DLG2: variants seen among roughly 807,000 people sequenced by gnomAD.
DLG2 encodes the protein discs large MAGUK scaffold protein 2.
In DLG2, 45 loss-of-function variants were observed where a neutral mutation model predicts 132.5. The ratio of observed to expected loss-of-function variants is 0.34; its 90% CI spans 0.27 to 0.44. DLG2 has a LOEUF of 0.44. DLG2 is among the 20% of genes least tolerant of loss of function. DLG2 has a pLI of 1.00. For synonymous variants in DLG2, 424 were observed against 419.6 expected (o/e 1.01, Z -0.13); for missense variants, 1,045 against 1,196.9 (o/e 0.87, Z 1.87).
At chr11:84,087,989 T>C (rs1361641253) in intron 10 of DLG2, among the ~76,000 whole-genome samples, 2 of 152,208 alleles carry the variant, frequency 1.3e-5, no homozygotes, top group Non-Finnish European at 1.5e-5. Flanking sequence ...TATCTTCTTA[T>C]TGTTGAGTTG....
intron 10 of DLG2, among the ~76,000 whole-genome samples, chr11:84,060,141 C>T (rs779574034): frequency 1.3e-5 from 2 of 151,866 alleles, no homozygotes; most frequent in South Asian, 2.1e-4. Context: ...GGTGAAACCC[C>T]GTCTCTACCA....
intron 6 of DLG2, among the ~76,000 whole-genome samples, chr11:85,082,888 A>G (rs1043995028): frequency 2.6e-5 from 4 of 151,978 alleles, no homozygotes; most frequent in African/African-American, 9.7e-5. Context: ...CAACAAAACA[A>G]TACAATTACT....
chr11:85,193,232 T>C (rs1440878495), intron 4 of DLG2, among the ~76,000 whole-genome samples: 1 of 152,240 alleles, frequency 6.6e-6, no homozygotes, highest in East Asian at 1.9e-4. Context: ...ATCCATGTTT[T>C]AGCATGTATC....
intron 3 of DLG2, among the ~76,000 whole-genome samples, chr11:85,419,248 G>A (rs1189396306): frequency 6.6e-6 from 1 of 152,154 alleles, no homozygotes; most frequent in Non-Finnish European, 1.5e-5. Flanking sequence ...TTGAATATTG[G>A]CACCCACTCT....
intron 6 of DLG2, among the ~76,000 whole-genome samples, chr11:84,930,573 G>A (rs1487565890): frequency 6.6e-6 from 1 of 152,058 alleles, no homozygotes; most frequent in Admixed American, 6.6e-5. Context: ...CCACTTAGTA[G>A]ATAGTTGCCT....
At chr11:83,657,754 A>G (rs939780443) in intron 18 of DLG2, among the ~76,000 whole-genome samples, 4 of 151,886 alleles carry the variant, frequency 2.6e-5, no homozygotes, top group Non-Finnish European at 5.9e-5. Flanking sequence ...ATTAGCCAGG[A>G]TGGTCTCAAT....
intron 8 of DLG2, among the ~76,000 whole-genome samples, chr11:84,184,461 T>C (rs2096231507): frequency 1.3e-5 from 2 of 152,132 alleles, no homozygotes; most frequent in Non-Finnish European, 2.9e-5. Context: ...TTGTAGATTC[T>C]GGATATTAGC....
chr11:83,885,487 G>A (rs1405296346), intron 15 of DLG2, among the ~76,000 whole-genome samples: 2 of 152,232 alleles, frequency 1.3e-5, no homozygotes, highest in South Asian at 2.1e-4. Context: ...GTACCTGAAA[G>A]TGACGAGGAG....
chr11:84,427,609 G>T, intron 7 of DLG2, among the ~76,000 whole-genome samples: 1 of 152,216 alleles, frequency 6.6e-6, no homozygotes, highest in East Asian at 1.9e-4. Flanking sequence ...TGTCCAAATA[G>T]GAAAGGAACA....
intron 3 of DLG2, among the ~76,000 whole-genome samples, chr11:85,531,670 T>C (rs2153192520): frequency 6.6e-6 from 1 of 152,240 alleles, no homozygotes; most frequent in South Asian, 2.1e-4. Flanking sequence ...GAAGTGGGCG[T>C]AGACACCTGT....
intron 6 of DLG2, among the ~76,000 whole-genome samples, chr11:84,965,936 G>A (rs188229924): frequency 1.3e-5 from 2 of 152,162 alleles, no homozygotes; most frequent in East Asian, 3.9e-4. Context: ...GCAGAACTCA[G>A]TTTAAATTCA....
intron 3 of DLG2, among the ~76,000 whole-genome samples, chr11:85,586,340 CT>C (rs977668782): frequency 8.6e-5 from 13 of 151,940 alleles, no homozygotes; most frequent in Middle Eastern, 3.4e-3. Flanking sequence ...TGGTCCTGGA[CT>C]TTTTTTTGTT....
At chr11:83,978,395 G>A (rs1402685549) in intron 12 of DLG2, among the ~76,000 whole-genome samples, 1 of 151,966 alleles carries the variant, frequency 6.6e-6, no homozygotes, top group East Asian at 1.9e-4. Context: ...TTTCAACTTA[G>A]CACTATGTAG....
intron 6 of DLG2, among the ~76,000 whole-genome samples, chr11:84,633,779 T>C (rs1009625940): frequency 2.6e-5 from 4 of 152,160 alleles, no homozygotes; most frequent in Admixed American, 2.6e-4. Context: ...TTCAGGGCCA[T>C]CCTTATGATG....
intron 6 of DLG2, among the ~76,000 whole-genome samples, chr11:84,616,230 C>A (rs1268829985): frequency 6.6e-6 from 1 of 152,002 alleles, no homozygotes; most frequent in Non-Finnish European, 1.5e-5. Context: ...TTTCAGTTGA[C>A]AAAATCTGGT....
At chr11:84,216,616 G>A (rs1023280305) in intron 8 of DLG2, among the ~76,000 whole-genome samples, 6 of 152,038 alleles carry the variant, frequency 3.9e-5, no homozygotes, top group East Asian at 1.9e-4. Context: ...GAGGGAAAAC[G>A]AAAAAGAGTA....
intron 18 of DLG2, among the ~76,000 whole-genome samples, chr11:83,777,468 T>A (rs897076074): frequency 1.3e-5 from 2 of 152,244 alleles, no homozygotes; most frequent in Non-Finnish European, 2.9e-5. Context: ...GCTTTCTGCA[T>A]CTTTAATGTC....
chr11:84,186,319 T>A (rs918680379), intron 8 of DLG2, among the ~76,000 whole-genome samples: 3 of 152,080 alleles, frequency 2.0e-5, no homozygotes, highest in Non-Finnish European at 4.4e-5. Flanking sequence ...TGCATAATGT[T>A]GTCCCACAGG....
intron 20 of DLG2, among the ~76,000 whole-genome samples, chr11:83,533,626 CA>C (rs2095812306): frequency 2.0e-5 from 3 of 152,192 alleles, no homozygotes; most frequent in African/African-American, 4.8e-5. Flanking sequence ...AGGGAAATTT[CA>C]GGGGGATTTT....
Sources: allele counts gnomAD v4.1 joint callset (sites outside exome capture counted in the v4.1 genomes callset), GRCh38; gene constraint gnomAD v4.1.1; transcripts MANE v1.5; gene names NCBI Gene and HGNC (gene_info 2026-07-23, HGNC 2026-07-21).